The following NDUFS4 variants were observed in gnomAD, a reference collection of about 807,000 sequenced individuals.
The protein encoded by NDUFS4 is NADH:ubiquinone oxidoreductase subunit S4.
NDUFS4 carries 28 observed loss-of-function variants against 24.3 expected under a neutral mutation model. The ratio of observed to expected loss-of-function variants is 1.15; its 90% CI spans 0.85 to 1.58. NDUFS4 has a LOEUF of 1.58. Ranked by LOEUF, NDUFS4 falls within the 40% of genes most tolerant of loss-of-function variation. The probability of loss-of-function intolerance (pLI) is 0.00; values close to 1 mark genes in which losing one functional copy is unlikely to be tolerated. For missense variants in NDUFS4, 223 were observed against 207.9 expected, an observed-to-expected ratio of 1.07 and a Z score of -0.45; for synonymous variants, 93 against 69.7, an observed-to-expected ratio of 1.34 and a Z score of -1.67.
At chr5:53,670,853 G>A (rs980205117) in intron 4 of NDUFS4, among the ~76,000 whole-genome samples, 17 of 151,250 alleles carry the variant, frequency 1.1e-4, no homozygotes, top group African/African-American at 4.1e-4. Context: ...AGATACTATA[G>A]TGTCCCTATA....
intron 1 of NDUFS4, among the ~76,000 whole-genome samples, chr5:53,578,683 G>A (rs368761688): frequency 1.3e-5 from 2 of 152,170 alleles, no homozygotes; most frequent in East Asian, 3.9e-4. Flanking sequence ...TGCTATAAGT[G>A]CCTGAAAAAT....
At chr5:53,635,274 A>G (rs553377259) in intron 2 of NDUFS4, among the ~76,000 whole-genome samples, 19 of 151,378 alleles carry the variant, frequency 1.3e-4, no homozygotes, top group African/African-American at 4.6e-4. Flanking sequence ...AATCCCAGCT[A>G]CTCAGCAGGC....
At chr5:53,677,055 G>GTT (rs1254389983) in intron 4 of NDUFS4, among the ~76,000 whole-genome samples, 2 of 152,020 alleles carry the variant, frequency 1.3e-5, no homozygotes, top group African/African-American at 4.8e-5. Context: ...TATTTGTGTA[G>GTT]TTTTTTTCTC....
At chr5:53,659,152 A>C (rs1404774517) in intron 4 of NDUFS4, among the ~76,000 whole-genome samples, 1 of 152,138 alleles carries the variant, frequency 6.6e-6, no homozygotes, top group Non-Finnish European at 1.5e-5. Context: ...ACCAAGCCTA[A>C]TCTCAACTGT....
chr5:53,624,486 C>T (rs1751157331), intron 2 of NDUFS4, among the ~76,000 whole-genome samples: 2 of 152,140 alleles, frequency 1.3e-5, no homozygotes, highest in South Asian at 4.1e-4. Context: ...GATGTCTTCC[C>T]ACTTACTTAT....
chr5:53,603,655 C>G (rs912801201), intron 2 of NDUFS4, 125 bp downstream of exon 2: 4 of 712,220 alleles, frequency 5.6e-6, no homozygotes, highest in African/African-American at 5.3e-5. Context: ...TAGATTATAC[C>G]TAAATTTTAA....
At chr5:53,646,846 GT>G (rs1166147526) in intron 3 of NDUFS4, among the ~76,000 whole-genome samples, 1 of 152,002 alleles carries the variant, frequency 6.6e-6, no homozygotes, top group Non-Finnish European at 1.5e-5. Context: ...ACAACTTATT[GT>G]TAATTTCTTA....
At chr5:53,670,142 T>C (rs1162496050) in intron 4 of NDUFS4, among the ~76,000 whole-genome samples, 3 of 152,130 alleles carry the variant, frequency 2.0e-5, no homozygotes, top group Non-Finnish European at 1.5e-5. Context: ...AAACTGCATG[T>C]TATTTATTCT....
At chr5:53,575,028 T>C (rs749973623) in intron 1 of NDUFS4, among the ~76,000 whole-genome samples, 7 of 152,170 alleles carry the variant, frequency 4.6e-5, no homozygotes, top group South Asian at 2.1e-4. Context: ...ACATTTCCAT[T>C]GTTGCCACCG....
intron 1 of NDUFS4, among the ~76,000 whole-genome samples, chr5:53,572,754 C>G (rs376109178): frequency 6.6e-6 from 1 of 151,268 alleles, no homozygotes; most frequent in Non-Finnish European, 1.5e-5. Flanking sequence ...AGTGGATTCT[C>G]CTGCCTCAGC....
chr5:53,574,794 T>G (rs1749330030), intron 1 of NDUFS4, among the ~76,000 whole-genome samples: 1 of 152,178 alleles, frequency 6.6e-6, no homozygotes, highest in Non-Finnish European at 1.5e-5. Context: ...GTTTATATTA[T>G]ATTCGGAGAA....
At chr5:53,657,288 A>G (rs947722073) in intron 3 of NDUFS4, among the ~76,000 whole-genome samples, 7 of 152,146 alleles carry the variant, frequency 4.6e-5, no homozygotes, top group African/African-American at 1.7e-4. Flanking sequence ...TGATATTATT[A>G]GTACTAATAT....
At chr5:53,669,283 C>A (rs1004329185) in intron 4 of NDUFS4, among the ~76,000 whole-genome samples, 1 of 152,156 alleles carries the variant, frequency 6.6e-6, no homozygotes, top group African/African-American at 2.4e-5. Context: ...ATTCAAAGTT[C>A]TTCACAATAT....
intron 1 of NDUFS4, among the ~76,000 whole-genome samples, chr5:53,589,681 C>T (rs1388150261): frequency 6.6e-6 from 1 of 152,036 alleles, no homozygotes; most frequent in Admixed American, 6.6e-5. Context: ...AGGGTGTTGC[C>T]AAAGGAGATT....
At chr5:53,611,138 A>G (rs1463881181) in intron 2 of NDUFS4, among the ~76,000 whole-genome samples, 4 of 151,814 alleles carry the variant, frequency 2.6e-5, no homozygotes, top group African/African-American at 9.7e-5. Context: ...GTATACAATA[A>G]ATTACAAGAA....
At chr5:53,680,829 A>C (rs1740640693) in intron 4 of NDUFS4, among the ~76,000 whole-genome samples, 1 of 152,130 alleles carries the variant, frequency 6.6e-6, no homozygotes. Flanking sequence ...CATGTACCCT[A>C]AAACTTAGTA....
chr5:53,658,408 G>T (rs1015853796), intron 3 of NDUFS4, 143 bp from the exon 4 acceptor site: 3 of 631,168 alleles, frequency 4.8e-6, no homozygotes, highest in Non-Finnish European at 8.4e-6. Context: ...CCAACTAACA[G>T]TTTTAAAGAA....
chr5:53,577,053 G>A (rs149749251), intron 1 of NDUFS4, among the ~76,000 whole-genome samples: 118 of 152,172 alleles, frequency 7.8e-4, no homozygotes, highest in East Asian at 1.2e-3. Context: ...CTGAGACAAA[G>A]ACATAAGCCT....
Position 53,586,511 on chromosome 5 carries a change from AGTTT to A in NDUFS4, c.99-16928_99-16925del, listed in dbSNP as rs1362126168. Among the ~76,000 whole-genome samples the A allele has an allele frequency of 5.1e-3, 458 of 89,440 alleles. 1 individual carries two copies. Among genetic ancestry groups the A allele is most frequent in the African/African-American group, 0.018 (369 of 20,458 alleles). The allele number at this position is 89,440 out of a possible 152,430, so 58.7% of individuals were successfully genotyped here. Reference sequence around the variant, plus strand: ...AAATGAATTGTTTAGTTAGTTAGTTAGTTTGTTTGTTTGTTTATTTATTTATTTT... The same window carrying A: ...AAATGAATTGTTTAGTTAGTTAGTTAGTTTGTTTGTTTATTTATTTATTTT... On this transcript the variant is annotated intron_variant, in intron 1 of 4. Coordinates refer to ENST00000296684, the MANE Select transcript of NDUFS4 (RefSeq NM_002495.4).
Sources: gnomAD v4.1 joint callset for allele counts (sites outside exome capture counted in the v4.1 genomes callset) on GRCh38, gnomAD v4.1.1 for gene constraint, MANE v1.5 for transcripts, NCBI Gene and HGNC (gene_info 2026-07-23, HGNC 2026-07-21) for gene names.